Variants in ATP9A observed in about 807,000 individuals in gnomAD.
ATP9A encodes ATPase phospholipid transporting 9A, also known as probable phospholipid-transporting ATPase IIA.
Under a neutral mutation model 144.1 loss-of-function variants are expected in ATP9A, and 52 were observed. That is an observed-to-expected ratio of 0.36 (90% CI 0.29 to 0.45). The LOEUF is 0.45. Among genes scored for constraint, ATP9A ranks in the 20% least tolerant of loss-of-function variants. The pLI, the probability that ATP9A is intolerant of heterozygous loss-of-function variation, is 1.00. For missense variants in ATP9A, 947 were observed against 1,392.7 expected (o/e 0.68, Z 5.09); for synonymous variants, 582 against 557.4 (o/e 1.04, Z -0.62).
intron 1 of ATP9A, among the ~76,000 whole-genome samples, chr20:51,746,667 G>A (rs764883130): frequency 1.3e-5 from 2 of 152,144 alleles, no homozygotes; most frequent in African/African-American, 2.4e-5. Flanking sequence ...GTGAAACCTC[G>A]TCTCTACTAA....
In ATP9A at chr20:51,599,742, TG is replaced by T. The variant is rs2077134191; in HGVS notation, c.*1468del. On this transcript the variant is annotated 3_prime_UTR_variant, in exon 28 of 28. Transcript: ENST00000338821. ...GTAGGCATCAGAAACCAGGCTGTGA[TG>T]TACATCTCTGAAGCACACAGAAGTA... 1 of 152,210 alleles carries T rather than the reference TG, an allele frequency of 6.6e-6. No individual in the cohort carries two copies. The highest frequency in any genetic ancestry group is 6.5e-5 in the Admixed American group (1 of 15,282). The allele number at this position is 152,210 out of a possible 1,614,324, so 9.4% of individuals were successfully genotyped here.
At chr20:51,703,317 G>C (rs2077602101) in intron 4 of ATP9A, among the ~76,000 whole-genome samples, 3 of 152,150 alleles carry the variant, frequency 2.0e-5, no homozygotes, top group Non-Finnish European at 4.4e-5. Flanking sequence ...ACAGAACTCT[G>C]AACTTTTCCT....
chr20:51,648,705 G>A lies in ATP9A; in HGVS notation c.1506+8233C>T, dbSNP rs115203930. On this transcript the variant is annotated intron_variant, in intron 14 of 27. Transcript: ENST00000338821. ...AAATTATCCAGGTGTGGTGGTGTGC[G>A]CCTCTCATCCCAGCTACTTGGAAGG... Among the ~76,000 whole-genome samples the A allele has an allele frequency of 3.1e-3, 467 of 152,188 alleles. 2 individuals carry two copies. Among genetic ancestry groups the A allele is most frequent in the African/African-American group, 0.01 (425 of 41,514 alleles).
intron 4 of ATP9A, among the ~76,000 whole-genome samples, chr20:51,711,529 G>T (rs865815156): frequency 4.6e-5 from 7 of 152,186 alleles, no homozygotes; most frequent in Admixed American, 2.0e-4. Context: ...GCAAGGCATA[G>T]CCTTTATTCC....
intron 14 of ATP9A, among the ~76,000 whole-genome samples, chr20:51,655,017 C>T (rs1052627620): frequency 6.6e-6 from 1 of 152,132 alleles, no homozygotes; most frequent in Non-Finnish European, 1.5e-5. Context: ...CCCAATCACG[C>T]CACTTCTAGA....
chr20:51,729,716 G>C, intron 2 of ATP9A, 118 bp downstream of exon 2: 4 of 1,231,640 alleles, frequency 3.2e-6, no homozygotes, highest in Non-Finnish European at 4.3e-6. Flanking sequence ...CTGCACTCCA[G>C]CCTGGGCGAC....
intron 13 of ATP9A, among the ~76,000 whole-genome samples, chr20:51,665,941 G>A (rs1485425114): frequency 6.6e-6 from 1 of 152,086 alleles, no homozygotes; most frequent in African/African-American, 2.4e-5. Context: ...CTTAGAACAA[G>A]TCACCTGGAC....
At chr20:51,629,287 T>C (rs1269199355) in intron 15 of ATP9A, among the ~76,000 whole-genome samples, 2 of 152,192 alleles carry the variant, frequency 1.3e-5, no homozygotes, top group African/African-American at 2.4e-5. Flanking sequence ...AGATTTTCAA[T>C]GATGAAAGAA....
At chr20:51,610,894 A>T (rs545859270) in intron 23 of ATP9A, among the ~76,000 whole-genome samples, 1 of 152,338 alleles carries the variant, frequency 6.6e-6, no homozygotes, top group East Asian at 1.9e-4. Flanking sequence ...AAAAGCAATG[A>T]AGATATTTAC....
intron 1 of ATP9A, among the ~76,000 whole-genome samples, chr20:51,762,535 T>C (rs1342420495): frequency 6.7e-6 from 1 of 149,670 alleles, no homozygotes; most frequent in African/African-American, 2.5e-5. Flanking sequence ...GGCGGGAGCC[T>C]GTAATCCCAG....
chr20:51,762,768 G>A (rs6123080), intron 1 of ATP9A, among the ~76,000 whole-genome samples: 30,782 of 143,694 alleles, frequency 0.21, 3,524 homozygotes, highest in East Asian at 0.36. Flanking sequence ...GGAGTGCAGC[G>A]GTATGATCAG....
intron 2 of ATP9A, among the ~76,000 whole-genome samples, chr20:51,729,213 A>G (rs938015480): frequency 2.6e-5 from 4 of 152,130 alleles, no homozygotes; most frequent in Admixed American, 2.6e-4. Context: ...TTTTGGTCAT[A>G]ATGCTAGGTC....
chr20:51,633,415 C>A (rs565269661), intron 15 of ATP9A, among the ~76,000 whole-genome samples: 1 of 152,234 alleles, frequency 6.6e-6, no homozygotes, highest in African/African-American at 2.4e-5. Flanking sequence ...GAAAGGAAAT[C>A]CCTTGAAAAG....
At chr20:51,619,836 T>C (rs1040984666) in intron 19 of ATP9A, among the ~76,000 whole-genome samples, 1 of 123,776 alleles carries the variant, frequency 8.1e-6, no homozygotes, top group African/African-American at 3.2e-5. Flanking sequence ...GCCATTGCAC[T>C]CCAGCCTGGG....
chr20:51,610,345 G>A (rs748844293), intron 23 of ATP9A, among the ~76,000 whole-genome samples, 180 bp from the exon 24 acceptor site: 8 of 152,142 alleles, frequency 5.3e-5, no homozygotes, highest in Non-Finnish European at 8.8e-5. Context: ...AAGTAGGTAC[G>A]ATTCTCATCA....
chr20:51,721,127 T>C (rs1185256112), intron 3 of ATP9A, among the ~76,000 whole-genome samples: 1 of 152,244 alleles, frequency 6.6e-6, no homozygotes, highest in African/African-American at 2.4e-5. Flanking sequence ...CTGGCATCAC[T>C]TGTCTGATAA....
At chr20:51,615,625 T>C (rs1418457507) in intron 22 of ATP9A, among the ~76,000 whole-genome samples, 1 of 152,182 alleles carries the variant, frequency 6.6e-6, no homozygotes, top group African/African-American at 2.4e-5. Context: ...TGCGTTTTAC[T>C]TCTAGATTCT....
intron 6 of ATP9A, among the ~76,000 whole-genome samples, chr20:51,694,428 C>T (rs6126305): frequency 0.22 from 32,859 of 152,054 alleles, 4,129 homozygotes; most frequent in East Asian, 0.39. Flanking sequence ...AGAACGGGGA[C>T]GAGCACAGGT....
intron 14 of ATP9A, among the ~76,000 whole-genome samples, chr20:51,643,271 G>C (rs2077328392): frequency 1.3e-5 from 2 of 152,142 alleles, no homozygotes. Flanking sequence ...TCAAGTAGTG[G>C]GTTTTTCTGT....
Sources: allele counts gnomAD v4.1 joint callset (sites outside exome capture counted in the v4.1 genomes callset), GRCh38; gene constraint gnomAD v4.1.1; transcripts MANE v1.5; gene names NCBI Gene and HGNC (gene_info 2026-07-23, HGNC 2026-07-21).